UACA: variants seen among roughly 807,000 people sequenced by gnomAD.
UACA encodes uveal autoantigen with coiled-coil domains and ankyrin repeats.
UACA carries 112 observed loss-of-function variants against 160.5 expected under a neutral mutation model. The ratio of observed to expected loss-of-function variants is 0.70; its 90% CI spans 0.60 to 0.82. The LOEUF is 0.82. Ranked by LOEUF, UACA falls within the 40% of genes least tolerant of loss-of-function variation. The pLI, the probability that UACA is intolerant of heterozygous loss-of-function variation, is 0.00. For synonymous variants in UACA, 557 were observed against 568.4 expected (o/e 0.98, Z 0.29); for missense variants, 1,574 against 1,614.6 (o/e 0.97, Z 0.43).
chr15:70,708,141 G>A (rs1474731175), intron 1 of UACA, among the ~76,000 whole-genome samples: 1 of 152,118 alleles, frequency 6.6e-6, no homozygotes, highest in Non-Finnish European at 1.5e-5. Context: ...TGAATCTTGA[G>A]AGACATTATG....
In UACA at chr15:70,667,696, TCTCTCGCACTC is replaced by T; in HGVS notation, c.2977_2987del (p.Glu993LysfsTer3). On this transcript the variant is annotated frameshift_variant, in exon 16 of 19. Transcript: ENST00000322954. LOFTEE classifies it high-confidence loss of function. ...GTTCTTTCTCTGTTGCTTTAAATTT[TCTCTCGCACTC>T]CTCAAAGCTGACAATTGGGGCGTAT... 1 of 1,613,848 alleles carries T rather than the reference TCTCTCGCACTC, an allele frequency of 6.2e-7. No individual in the cohort carries two copies. Among genetic ancestry groups the T allele is most frequent in the Non-Finnish European group, 8.5e-7 (1 of 1,179,954 alleles).
chr15:70,678,249 G>C (rs751376507), intron 10 of UACA, 43 bp from the exon 11 acceptor site: 1 of 1,465,888 alleles, frequency 6.8e-7, no homozygotes, highest in South Asian at 1.2e-5. Flanking sequence ...AATCTTAAAA[G>C]AGCAAATTCT....
intron 1 of UACA, among the ~76,000 whole-genome samples, chr15:70,721,778 T>C (rs901552283): frequency 6.6e-6 from 1 of 152,170 alleles, no homozygotes; most frequent in Non-Finnish European, 1.5e-5. Context: ...CTGCCAACAT[T>C]ACACAGTTAC....
chr15:70,703,109 T>C lies in UACA; in HGVS notation c.79-3449A>G, dbSNP rs116055451. On this transcript the variant is annotated intron_variant, in intron 1 of 18. Coordinates refer to ENST00000322954, the MANE Select transcript of UACA (RefSeq NM_018003.4). ...GATAACTTCTCTGCATTCTCTACGA[T>C]AGCATACTTGTATCAACATTTCTTA... 1,466 of 1,289,068 alleles carry C rather than the reference T, an allele frequency of 1.1e-3. 12 individuals carry two copies. The African/African-American group carries it at 0.02, about 17-fold the overall frequency. The allele number at this position is 1,289,068 out of a possible 1,614,324, so 79.9% of individuals were successfully genotyped here. A position where few individuals can be genotyped will look rare whatever the true frequency, so the allele number is the denominator to read the frequency against.
At chr15:70,765,313 A>G (rs909048292), upstream of UACA, among the ~76,000 whole-genome samples, 39 of 152,144 alleles carry the variant, frequency 2.6e-4, no homozygotes, top group African/African-American at 9.2e-4. Context: ...TGCTGGTTAC[A>G]TATCTAGTGT....
At chr15:70,764,128 T>C (rs940198956), upstream of UACA, among the ~76,000 whole-genome samples, 2 of 152,114 alleles carry the variant, frequency 1.3e-5, no homozygotes, top group African/African-American at 4.8e-5. Flanking sequence ...AAAGACGTTA[T>C]AGTAAGTTAC....
At chr15:70,772,910 G>A in the UACA span, among the ~76,000 whole-genome samples, 1 of 152,074 alleles carries the variant, frequency 6.6e-6, no homozygotes, top group African/African-American at 2.4e-5. Context: ...CCAACATGGT[G>A]AAACCCCGTC....
intron 14 of UACA, 111 bp from the exon 15 acceptor site, chr15:70,671,202 G>T: frequency 1.4e-6 from 1 of 722,358 alleles, no homozygotes; most frequent in Non-Finnish European, 2.2e-6. Flanking sequence ...GAAGCAAGAG[G>T]TACAACACAA....
chr15:70,768,988 T>C, the UACA span, among the ~76,000 whole-genome samples: 3 of 152,144 alleles, frequency 2.0e-5, no homozygotes, highest in African/African-American at 7.2e-5. Context: ...GCTGGTTCAA[T>C]ACCACCAGTT....
chr15:70,767,263 AC>A (rs1567007253), upstream of UACA, among the ~76,000 whole-genome samples: 10,311 of 135,208 alleles, frequency 0.076, 1,072 homozygotes, highest in African/African-American at 0.17. Flanking sequence ...AAAACAAAAA[AC>A]AAAAACAAAA....
At chr15:70,680,839 G>GA (rs546696673) in intron 9 of UACA, among the ~76,000 whole-genome samples, 118 of 152,296 alleles carry the variant, frequency 7.7e-4, no homozygotes, top group African/African-American at 2.6e-3. Context: ...GTGCACCACT[G>GA]ATTGGGGTGC....
At chr15:70,729,591 C>T (rs1241026686) in intron 1 of UACA, among the ~76,000 whole-genome samples, 1 of 110,342 alleles carries the variant, frequency 9.1e-6, no homozygotes, top group Non-Finnish European at 1.7e-5. Context: ...GTATTTTGCT[C>T]GGCTCTGTAA....
chr15:70,668,173 G>C lies in UACA; in HGVS notation c.2511C>G (p.Asp837Glu), dbSNP rs1194746304. The C allele has an allele frequency of 6.2e-7, 1 of 1,611,694 alleles. No individual in the cohort carries two copies. Among genetic ancestry groups the C allele is most frequent in the East Asian group, 2.2e-5 (1 of 44,828 alleles). ...LSELKKKCGEDQEKIHALTSE... is the reference protein window; with the variant it reads ...LSELKKKCGEEQEKIHALTSE... ...ATGTGAGAGCGTGTATTTTCTCCTG[G>C]TCTTCACCACATTTTTTCTTAAGTT... is the stretch of plus-strand genomic sequence containing the variant. The change falls in exon 16 of 19, where the codon GAC becomes GAG. Residue 837 changes from aspartate (D) to glutamate (E), a missense_variant. By Grantham distance (45) the Asp-to-Glu change is conservative. Coordinates refer to ENST00000322954, the MANE Select transcript of UACA (RefSeq NM_018003.4).
chr15:70,703,313 G>A, intron 1 of UACA: 2 of 1,272,264 alleles, frequency 1.6e-6, no homozygotes, highest in Non-Finnish European at 2.0e-6. Flanking sequence ...GTGTTTACAG[G>A]AAGGAAGTAG....
chr15:70,778,608 C>T, the UACA span, among the ~76,000 whole-genome samples: 1 of 152,196 alleles, frequency 6.6e-6, no homozygotes, highest in Non-Finnish European at 1.5e-5. Context: ...CCAGGGTAAT[C>T]CCTGCATGTC....
In UACA at chr15:70,682,867, T is replaced by C. The variant is rs149209474; in HGVS notation, c.785-72A>G. 1.4e-4 allele frequency: 124 copies of C among 901,928 alleles called. No homozygotes were observed. In the African/African-American group the frequency reaches 1.9e-3, roughly 14 times the overall value. 55.9% of individuals were successfully genotyped at this position (901,928 alleles called of 1,614,324 possible). A position where few individuals can be genotyped will look rare whatever the true frequency, so the allele number is the denominator to read the frequency against. On this transcript the variant is annotated intron_variant, in intron 8 of 18. Coordinates refer to ENST00000322954, the MANE Select transcript of UACA (RefSeq NM_018003.4). Reference sequence around the variant, plus strand: ...GGGGTAGGTACGCATTCCCTAACTATACAATTGAGTCAATATTAAATAAAT... The same window carrying C: ...GGGGTAGGTACGCATTCCCTAACTACACAATTGAGTCAATATTAAATAAAT...
chr15:70,755,598 A>G (rs1375450958), intron 1 of UACA, among the ~76,000 whole-genome samples: 1 of 151,964 alleles, frequency 6.6e-6, no homozygotes, highest in Non-Finnish European at 1.5e-5. Context: ...TGAACCCGAG[A>G]GGCAGAGGTT....
chr15:70,702,826 A>C (rs1260541684), intron 1 of UACA, among the ~76,000 whole-genome samples: 1 of 152,244 alleles, frequency 6.6e-6, no homozygotes. Flanking sequence ...AAATGAGAAG[A>C]GCCAGAGGCA....
intron 1 of UACA, among the ~76,000 whole-genome samples, chr15:70,762,613 A>C (rs72755485): frequency 0.29 from 44,287 of 152,126 alleles, 7,422 homozygotes; most frequent in African/African-American, 0.43. Context: ...GCACCGAAAG[A>C]GCCCCGCACG....
Sources: gnomAD v4.1 joint callset for allele counts (sites outside exome capture counted in the v4.1 genomes callset) on GRCh38, gnomAD v4.1.1 for gene constraint, MANE v1.5 for transcripts, NCBI Gene and HGNC (gene_info 2026-07-23, HGNC 2026-07-21) for gene names.